The following FGF14 variants were observed in gnomAD, a reference collection of about 807,000 sequenced individuals.
The protein encoded by FGF14 is fibroblast growth factor 14.
In FGF14, 5 loss-of-function variants were observed where a neutral mutation model predicts 25.5. The observed-to-expected ratio is 0.20, with a 90% CI of 0.10 to 0.41. The LOEUF is 0.41. FGF14 is among the 10% of genes least tolerant of loss of function. FGF14 has a pLI of 1.00. For missense variants in FGF14, 222 were observed against 320.1 expected (o/e 0.69, Z 2.34); for synonymous variants, 138 against 118.3 (o/e 1.17, Z -1.08).
At chr13:102,096,207 AGAGT>A (rs1379070289) in intron 1 of FGF14, among the ~76,000 whole-genome samples, 1 of 152,064 alleles carries the variant, frequency 6.6e-6, no homozygotes, top group Non-Finnish European at 1.5e-5. Context: ...AATAAGTTAT[AGAGT>A]GAGGAGAGTG....
intron 1 of FGF14, among the ~76,000 whole-genome samples, chr13:102,100,469 T>A (rs559936917): frequency 6.6e-6 from 1 of 152,300 alleles, no homozygotes; most frequent in South Asian, 2.1e-4. Context: ...AGGAGGTGCT[T>A]CCGGACCGCT....
At chr13:102,195,887 A>T (rs544804421) in intron 1 of FGF14, among the ~76,000 whole-genome samples, 4 of 152,252 alleles carry the variant, frequency 2.6e-5, no homozygotes, top group African/African-American at 9.6e-5. Flanking sequence ...CAGTAATTAT[A>T]CTAACACAGA....
At chr13:101,814,055 T>C (rs917197653) in intron 3 of FGF14, among the ~76,000 whole-genome samples, 2 of 152,188 alleles carry the variant, frequency 1.3e-5, no homozygotes, top group African/African-American at 4.8e-5. Context: ...TTTCCACTTA[T>C]TTAGAGGGGA....
chr13:102,235,238 A>G (rs1566846749), intron 1 of FGF14, among the ~76,000 whole-genome samples: 1 of 152,262 alleles, frequency 6.6e-6, no homozygotes, highest in Non-Finnish European at 1.5e-5. Context: ...ATGCCAAACA[A>G]TATGATCCAT....
chr13:102,142,833 A>T (rs1276974072), intron 1 of FGF14, among the ~76,000 whole-genome samples: 2 of 152,196 alleles, frequency 1.3e-5, no homozygotes, highest in Non-Finnish European at 2.9e-5. Context: ...TTTGAATGTT[A>T]TAAACAAGGA....
At position 101,720,199 on chromosome 13, in the gene FGF14, T is replaced by G. The variant is rs1201310494; in HGVS notation, c.*2632A>C. The G allele has an allele frequency of 1.3e-5, 2 of 152,118 alleles. No individual in the cohort carries two copies. Among genetic ancestry groups the G allele is most frequent in the Non-Finnish European group, 2.9e-5 (2 of 67,992 alleles). 9.4% of individuals were successfully genotyped at this position (152,118 alleles called of 1,614,324 possible). On this transcript the variant is annotated 3_prime_UTR_variant, in exon 5 of 5. Coordinates refer to ENST00000376143, the MANE Select transcript of FGF14 (RefSeq NM_004115.4). ...CAGTTCTTGATACACAGGTACCTAC[T>G]ACATGCAGCTCATCATTGCTGTCCT...
chr13:102,275,262 T>TTTCTCTCTCTCTCTCTC (rs2053473719), intron 1 of FGF14, among the ~76,000 whole-genome samples: 79 of 68,966 alleles, frequency 1.1e-3, no homozygotes, highest in African/African-American at 3.7e-3. Context: ...CTCTCTCTCT[T>TTTCTCTCTCTCTCTCTC]TCTCTCTCTC....
intron 1 of FGF14, among the ~76,000 whole-genome samples, chr13:102,149,029 G>A (rs1362012713): frequency 6.6e-6 from 1 of 151,968 alleles, no homozygotes; most frequent in African/African-American, 2.4e-5. Flanking sequence ...ATAGAAAACT[G>A]CAACTTTTTA....
chr13:102,131,879 A>T (rs1042007381), intron 1 of FGF14, among the ~76,000 whole-genome samples: 4 of 152,234 alleles, frequency 2.6e-5, no homozygotes, highest in African/African-American at 9.6e-5. Context: ...CGTGAGATTC[A>T]TCGAAATAGC....
chr13:102,088,784 C>T (rs1263781215), intron 1 of FGF14, among the ~76,000 whole-genome samples: 3 of 152,026 alleles, frequency 2.0e-5, no homozygotes, highest in Admixed American at 6.6e-5. Flanking sequence ...GTCATACAAA[C>T]TCATATCATA....
At chr13:101,890,818 G>A (rs902327738) in intron 1 of FGF14, among the ~76,000 whole-genome samples, 10 of 152,280 alleles carry the variant, frequency 6.6e-5, no homozygotes, top group South Asian at 6.2e-4. Flanking sequence ...CGGATAAGAC[G>A]GGATTGGGGG....
At chr13:101,858,151 G>T (rs2044222315) in intron 3 of FGF14, among the ~76,000 whole-genome samples, 3 of 151,208 alleles carry the variant, frequency 2.0e-5, no homozygotes, top group South Asian at 4.2e-4. Context: ...TCTGTTCAGA[G>T]CCCAGGGTTC....
chr13:101,723,075 C>T (rs2035105091), intron 4 of FGF14, 108 bp from the exon 5 acceptor site: 1 of 1,353,708 alleles, frequency 7.4e-7, no homozygotes, highest in Non-Finnish European at 1.1e-6. Context: ...TTTCTGTTTT[C>T]CCTGAAGTAA....
chr13:101,846,176 T>C (rs981570787), intron 3 of FGF14, among the ~76,000 whole-genome samples: 2 of 152,010 alleles, frequency 1.3e-5, no homozygotes, highest in Non-Finnish European at 2.9e-5. Flanking sequence ...ATCAATGAAA[T>C]GAACGGAGTT....
intron 4 of FGF14, among the ~76,000 whole-genome samples, chr13:101,724,863 T>C (rs184259162): frequency 6.6e-6 from 1 of 151,448 alleles, no homozygotes; most frequent in Non-Finnish European, 1.5e-5. Flanking sequence ...TATTTCTCTC[T>C]TTCTCATATA....
intron 2 of FGF14, among the ~76,000 whole-genome samples, chr13:101,869,175 A>G (rs2044899280): frequency 6.6e-6 from 1 of 152,216 alleles, no homozygotes; most frequent in Admixed American, 6.5e-5. Flanking sequence ...AAAGAGCAGA[A>G]TTTTAAAAGT....
intron 1 of FGF14, among the ~76,000 whole-genome samples, chr13:102,020,669 C>T (rs569808093): frequency 6.6e-6 from 1 of 152,006 alleles, no homozygotes; most frequent in Non-Finnish European, 1.5e-5. Flanking sequence ...TTGGGTAGTG[C>T]TAAGAGTACA....
chr13:102,073,753 A>G (rs1444236149), intron 1 of FGF14, among the ~76,000 whole-genome samples: 2 of 152,222 alleles, frequency 1.3e-5, no homozygotes, highest in Non-Finnish European at 2.9e-5. Flanking sequence ...GCCTATGATT[A>G]TACTTGCATT....
At chr13:101,881,454 G>A (rs949059809) in intron 1 of FGF14, among the ~76,000 whole-genome samples, 2 of 152,088 alleles carry the variant, frequency 1.3e-5, no homozygotes, top group African/African-American at 4.8e-5. Context: ...AACATCGTGT[G>A]CTTTGGCCTA....
Sources: allele counts gnomAD v4.1 joint callset (sites outside exome capture counted in the v4.1 genomes callset), GRCh38; gene constraint gnomAD v4.1.1; transcripts MANE v1.5; gene names NCBI Gene and HGNC (gene_info 2026-07-23, HGNC 2026-07-21).